Variants in MROH1 observed in about 807,000 individuals in gnomAD.
MROH1 encodes maestro heat-like repeat-containing protein family member 1.
Under a neutral mutation model 116.5 loss-of-function variants are expected in MROH1, and 117 were observed. That is an observed-to-expected ratio of 1.00 (90% CI 0.86 to 1.17). The LOEUF (loss-of-function observed/expected upper bound fraction) is 1.17, where lower values mean the gene tolerates loss of function less well. Among genes scored for constraint, MROH1 ranks in the 50% most tolerant of loss-of-function variants. The pLI is 0.00. For synonymous variants in MROH1, 921 were observed against 583.9 expected, an observed-to-expected ratio of 1.58 and a Z score of -8.32; for missense variants, 1,873 against 1,338.5, an observed-to-expected ratio of 1.40 and a Z score of -6.23.
Position 144,222,971 on chromosome 8 carries a change from C to T in MROH1, c.1216-137C>T, listed in dbSNP as rs937603442. 8.0e-6 allele frequency: 10 copies of T among 1,246,150 alleles called. No individual in the cohort carries two copies. The Middle Eastern group carries it at 5.8e-4, about 72-fold the overall frequency. 77.2% of individuals were successfully genotyped at this position (1,246,150 alleles called of 1,614,324 possible). A position where few individuals can be genotyped will look rare whatever the true frequency, so the allele number is the denominator to read the frequency against. ...GCAGGCCCAGGTATGGGTGCAGGTACAGGTGTCAGTGTAACTGCAGTTGTG... is the reference window on the plus strand; with the variant it reads ...GCAGGCCCAGGTATGGGTGCAGGTATAGGTGTCAGTGTAACTGCAGTTGTG... On this transcript the variant is annotated intron_variant, in intron 13 of 43. Transcript: ENST00000326134.
Position 144,191,795 on chromosome 8 carries a change from G to A in MROH1, c.795G>A (p.Lys265=). The change falls in exon 9 of 44, where the codon AAG becomes AAA. Residue 265 remains lysine, a synonymous_variant. Transcript: ENST00000326134. ...PSERLEEQLP[K]LLPGILALYK... ...AGAGGCTGGAAGAGCAGCTGCCCAA[G>A]CTCCTCCCTGGGATTCTCGCCCTCT... is the stretch of plus-strand genomic sequence containing the variant. The A allele has an allele frequency of 1.9e-6, 3 of 1,613,426 alleles. No individual in the cohort carries two copies. Among genetic ancestry groups the A allele is most frequent in the African/African-American group, 2.7e-5 (2 of 75,042 alleles).
rs148561089 is a variant in MROH1, at chr8:144,180,433, G to C, written c.472G>C (p.Val158Leu). 15 of 1,613,076 alleles carry C rather than the reference G, an allele frequency of 9.3e-6. No homozygotes were observed. Among genetic ancestry groups the C allele is most frequent in the Non-Finnish European group, 1.2e-5 (14 of 1,179,794 alleles). Residue 158 changes from valine to leucine, a missense_variant, in exon 7 of 44, where the codon GTA (valine) becomes CTA (leucine). By Grantham distance (32) the Val-to-Leu change is conservative. Transcript: ENST00000326134. The surrounding 1 kb of genome is among the most constrained non-coding windows in gnomAD (Gnocchi z 7.4). ...ASLSVANAFG[V>L]VPFLPSVLSS... ...GGTGTCCTCTCTCACAGCGTTCGGC[G>C]TAGTCCCCTTCCTGCCATCCGTCCT...
rs551156137 is a variant in MROH1 at position 144,161,104 on chromosome 8, C to T, written c.-57+15C>T. The T allele has an allele frequency of 6.2e-4, 95 of 152,826 alleles. No individual in the cohort carries two copies. Among genetic ancestry groups the T allele is most frequent in the African/African-American group, 2.1e-3 (87 of 41,574 alleles). The allele number at this position is 152,826 out of a possible 1,614,324, so 9.5% of individuals were successfully genotyped here. A position where few individuals can be genotyped will look rare whatever the true frequency, so the allele number is the denominator to read the frequency against. On this transcript the variant is annotated intron_variant, in intron 2 of 43. Coordinates refer to ENST00000326134, the MANE Select transcript of MROH1 (RefSeq NM_032450.3). ...GCAGTTGTGGGGTGAGTCCTTCTCA[C>T]GCTTCAAATTTCTCCTCCCCGCTCT...
chr8:144,237,504 C>T (rs1359811897), intron 14 of MROH1, among the ~76,000 whole-genome samples: 1 of 152,186 alleles, frequency 6.6e-6, no homozygotes, highest in East Asian at 1.9e-4. Flanking sequence ...TTGAGTATTT[C>T]TTGCCCCTGT....
chr8:144,173,134 C>T (rs1407869076), intron 4 of MROH1, among the ~76,000 whole-genome samples: 5 of 143,612 alleles, frequency 3.5e-5, no homozygotes, highest in South Asian at 2.2e-4. Flanking sequence ...GGCAGAGTCT[C>T]GCTCTGTTGC....
At chr8:144,211,416 G>A (rs1388325494) in intron 12 of MROH1, among the ~76,000 whole-genome samples, 4 of 152,168 alleles carry the variant, frequency 2.6e-5, no homozygotes, top group Non-Finnish European at 1.5e-5. Context: ...TTACCCAGGG[G>A]TATGGTTCAT....
rs867110518 is a variant in MROH1, at chr8:144,168,334, A to AC, written c.67dup (p.Leu23ProfsTer33). On this transcript the variant is annotated frameshift_variant, in exon 4 of 44. Transcript: ENST00000326134. LOFTEE classifies it high-confidence loss of function. The stretch of plus-strand genomic sequence containing the variant: ...CTGCTGGACGCCATCACCGATAAGG[A>AC]CCCCCTGGTGCAGGAGCAGGTCTGC... 6.2e-7 allele frequency: 1 copy of AC among 1,609,670 alleles called. No individual in the cohort carries two copies. Among genetic ancestry groups the AC allele is most frequent in the Non-Finnish European group, 8.5e-7 (1 of 1,179,482 alleles).
chr8:144,219,820 A>G (rs1056490270), intron 12 of MROH1, among the ~76,000 whole-genome samples: 2 of 152,202 alleles, frequency 1.3e-5, no homozygotes, highest in Admixed American at 1.3e-4. Context: ...GTGTGCCTGC[A>G]TTGAGGAGCC....
chr8:144,186,841 C>T (rs1827317180), intron 7 of MROH1, among the ~76,000 whole-genome samples: 1 of 152,186 alleles, frequency 6.6e-6, no homozygotes, highest in Non-Finnish European at 1.5e-5. Context: ...GCCTATAATC[C>T]TAGCACTTTG....
intron 12 of MROH1, chr8:144,212,944 A>G (rs1231174330): frequency 1.4e-6 from 1 of 739,680 alleles, no homozygotes; most frequent in Non-Finnish European, 2.6e-6. Context: ...CTCAAGGTTA[A>G]TAGAATTGGA....
chr8:144,256,931 G>C (rs1405471085), intron 35 of MROH1, among the ~76,000 whole-genome samples: 1 of 152,256 alleles, frequency 6.6e-6, no homozygotes, highest in Non-Finnish European at 1.5e-5. Flanking sequence ...GCCTGGAGCA[G>C]GGTGTGGAGC....
intron 4 of MROH1, among the ~76,000 whole-genome samples, chr8:144,176,288 A>G (rs1823894148): frequency 1.4e-5 from 2 of 144,854 alleles, no homozygotes; most frequent in African/African-American, 2.6e-5. Flanking sequence ...CATGATCATC[A>G]CTTGAACCTG....
intron 7 of MROH1, among the ~76,000 whole-genome samples, chr8:144,183,045 C>T (rs953918699): frequency 6.6e-6 from 1 of 152,048 alleles, no homozygotes; most frequent in African/African-American, 2.4e-5. Flanking sequence ...CACTGTACTC[C>T]AGCCCGGGTG....
chr8:144,261,186 A>G lies in MROH1; in HGVS notation c.4744A>G (p.Asn1582Asp), dbSNP rs1410249189. Residue 1582 changes from asparagine to aspartate, a missense_variant, in exon 42 of 44, where the codon AAC (asparagine) becomes GAC (aspartate). Transcript: ENST00000326134. ...CLFYFKSSWE[N>D]VRAAAPLFTG... ...GTTCTACTTCAAGAGCAGCTGGGAG[A>G]ACGTCCGAGCTGCTGCACCCCTGTT... is the stretch of plus-strand genomic sequence containing the variant. 2 of 767,642 alleles carry G rather than the reference A, an allele frequency of 2.6e-6. No homozygotes were observed. The highest frequency in any genetic ancestry group is 4.9e-5 in the East Asian group (2 of 41,220). 47.6% of individuals were successfully genotyped at this position (767,642 alleles called of 1,614,324 possible).
chr8:144,187,786 G>A (rs1024421019), intron 7 of MROH1, among the ~76,000 whole-genome samples: 8 of 152,246 alleles, frequency 5.3e-5, no homozygotes, highest in South Asian at 4.1e-4. Context: ...AGGGGTACAG[G>A]TAGAGATTTT....
intron 1 of MROH1, among the ~76,000 whole-genome samples, chr8:144,157,043 C>T (rs937245396): frequency 6.6e-6 from 1 of 152,076 alleles, no homozygotes; most frequent in Non-Finnish European, 1.5e-5. Flanking sequence ...GCAACCTCCG[C>T]CTCCCGCATT....
chr8:144,258,894 G>A lies in MROH1; in HGVS notation c.3909G>A (p.Glu1303=). ...TCAGGACCTCGGCGGGGCATGAGGA[G>A]GGGGCCACCAGGTTGGCCAGGTGAG... ...ELLRTSAGHE[E]GATRLARAMA... The change falls in exon 36 of 44, where the codon GAG becomes GAA. Residue 1303 remains glutamate (E), a synonymous_variant. Coordinates refer to ENST00000326134, the MANE Select transcript of MROH1 (RefSeq NM_032450.3). The A allele has an allele frequency of 2.6e-6, 2 of 759,442 alleles. No individual in the cohort carries two copies. The highest frequency in any genetic ancestry group is 3.5e-5 in the Admixed American group (2 of 56,672). 47.0% of individuals were successfully genotyped at this position (759,442 alleles called of 1,614,324 possible).
At position 144,244,062 on chromosome 8, in the gene MROH1, G is replaced by A. The variant is rs1026543550; in HGVS notation, c.2555+120G>A. ...CGTGTGTGTGCCTGTGCTTGCGTGT[G>A]TGCACGCCTTGTGTGTGCGCATGCT... is the stretch of plus-strand genomic sequence containing the variant. On this transcript the variant is annotated intron_variant, in intron 26 of 43. Transcript: ENST00000326134. The A allele has an allele frequency of 2.3e-4, 162 of 712,112 alleles. 1 individual carries two copies. The highest frequency in any genetic ancestry group is 1.1e-3 in the Middle Eastern group (4 of 3,784). 44.1% of individuals were successfully genotyped at this position (712,112 alleles called of 1,614,324 possible). A position where few individuals can be genotyped will look rare whatever the true frequency, so the allele number is the denominator to read the frequency against.
At chr8:144,218,691 T>TCCC (rs1564502362) in intron 12 of MROH1, among the ~76,000 whole-genome samples, 98 of 48,204 alleles carry the variant, frequency 2.0e-3, no homozygotes, top group Non-Finnish European at 2.9e-3. Context: ...CCCTCCCCTC[T>TCCC]CTCCTCCCCT....
Sources: gnomAD v4.1 joint callset for allele counts (sites outside exome capture counted in the v4.1 genomes callset) on GRCh38, gnomAD v4.1.1 for gene constraint, Gnocchi (gnomAD v3.1) non-coding constraint, MANE v1.5 for transcripts, NCBI Gene and HGNC (gene_info 2026-07-23, HGNC 2026-07-21) for gene names.